The following A1CF variants were observed in gnomAD, a reference collection of about 807,000 sequenced individuals.
The protein encoded by A1CF is APOBEC1 complementation factor.
In A1CF, 48 loss-of-function variants were observed where a neutral mutation model predicts 68.9. The ratio of observed to expected loss-of-function variants is 0.70; its 90% CI spans 0.55 to 0.89. A1CF has a LOEUF of 0.89. Among genes scored for constraint, A1CF ranks in the 40% least tolerant of loss-of-function variants. A1CF has a pLI of 0.00. For missense variants in A1CF, 653 were observed against 718.9 expected, an observed-to-expected ratio of 0.91 and a Z score of 1.05; for synonymous variants, 272 against 260.4, an observed-to-expected ratio of 1.04 and a Z score of -0.43.
chr10:50,830,875 T>C (rs1453237266), intron 6 of A1CF, among the ~76,000 whole-genome samples: 1 of 152,172 alleles, frequency 6.6e-6, no homozygotes, highest in Non-Finnish European at 1.5e-5. Flanking sequence ...TGCAAAGCTA[T>C]AGTAATCAAA....
chr10:50,878,053 C>T (rs529564469), intron 1 of A1CF, among the ~76,000 whole-genome samples: 2 of 152,028 alleles, frequency 1.3e-5, no homozygotes, highest in Non-Finnish European at 2.9e-5. Context: ...ACCCGGGAAG[C>T]GGAGGTTGCA....
At chr10:50,819,426 T>G (rs1838532497) in intron 8 of A1CF, among the ~76,000 whole-genome samples, 1 of 151,988 alleles carries the variant, frequency 6.6e-6, no homozygotes. Context: ...CCCAGCAACT[T>G]CTTGCAAAGA....
At chr10:50,807,959 A>T (rs1264758865) in intron 12 of A1CF, among the ~76,000 whole-genome samples, 1 of 152,154 alleles carries the variant, frequency 6.6e-6, no homozygotes, top group Non-Finnish European at 1.5e-5. Flanking sequence ...TGGTGCATTC[A>T]TTTTGGTCAG....
At position 50,844,014 on chromosome 10, in the gene A1CF, C is replaced by T. The variant is rs763063211; in HGVS notation, c.208G>A (p.Asp70Asn). 52 of 1,613,506 alleles carry T rather than the reference C, an allele frequency of 3.2e-5. No homozygotes were observed. The highest frequency in any genetic ancestry group is 4.3e-5 in the Non-Finnish European group (51 of 1,179,784). Residue 70 changes from aspartate (D) to asparagine (N), a missense_variant, in exon 4 of 13, where the codon GAT becomes AAT. Coordinates refer to ENST00000373997, the MANE Select transcript of A1CF (RefSeq NM_014576.4). ...IGKLPRDLFE[D>N]ELIPLCEKIG... ...TTTTCACATAATGGTATAAGCTCAT[C>T]CTCAAAAAGGTCTCGGGGAAGTTTT...
chr10:50,864,612 C>G (rs1383962235), intron 1 of A1CF, among the ~76,000 whole-genome samples: 3 of 151,874 alleles, frequency 2.0e-5, no homozygotes, highest in Non-Finnish European at 1.5e-5. Context: ...AAAAATGGTC[C>G]CCTCTTTTCT....
At chr10:50,853,616 G>T (rs1323017919) in intron 3 of A1CF, among the ~76,000 whole-genome samples, 1 of 152,102 alleles carries the variant, frequency 6.6e-6, no homozygotes, top group Non-Finnish European at 1.5e-5. Context: ...GAGGTGGTGT[G>T]AATGGGCAGC....
At chr10:50,819,400 G>A (rs1042565550) in intron 8 of A1CF, among the ~76,000 whole-genome samples, 5 of 152,106 alleles carry the variant, frequency 3.3e-5, no homozygotes, top group East Asian at 1.9e-4. Context: ...TGAGATTACA[G>A]GTGCGAGCCA....
intron 3 of A1CF, among the ~76,000 whole-genome samples, chr10:50,856,815 T>C (rs1404432955): frequency 2.0e-5 from 3 of 152,116 alleles, no homozygotes; most frequent in East Asian, 3.8e-4. Flanking sequence ...TCTAGGTCCT[T>C]ATTATAAGCA....
chr10:50,833,358 T>G (rs1163099499), intron 6 of A1CF, among the ~76,000 whole-genome samples: 1 of 152,226 alleles, frequency 6.6e-6, no homozygotes, highest in Non-Finnish European at 1.5e-5. Context: ...CTCCAGGTGA[T>G]GCTGATGCAG....
intron 7 of A1CF, among the ~76,000 whole-genome samples, chr10:50,821,788 C>T (rs929071972): frequency 6.6e-6 from 1 of 152,080 alleles, no homozygotes; most frequent in South Asian, 2.1e-4. Flanking sequence ...CTGCCTACCT[C>T]GGCCTGCCAA....
intron 3 of A1CF, among the ~76,000 whole-genome samples, chr10:50,852,094 T>C (rs2132495033): frequency 6.6e-6 from 1 of 152,362 alleles, no homozygotes; most frequent in Admixed American, 6.5e-5. Context: ...GACCTGCTCA[T>C]GCTTCTGCAT....
chr10:50,851,479 A>G (rs1240172391), intron 3 of A1CF, among the ~76,000 whole-genome samples: 1 of 152,214 alleles, frequency 6.6e-6, no homozygotes, highest in Non-Finnish European at 1.5e-5. Flanking sequence ...TGTTACTTAA[A>G]TAAGCTTATA....
In A1CF at chr10:50,805,106, A is replaced by G. The variant is rs1028854466; in HGVS notation, c.*1623T>C. 2 of 152,226 alleles carry G rather than the reference A, an allele frequency of 1.3e-5. No homozygotes were observed. The highest frequency in any genetic ancestry group is 4.8e-5 in the African/African-American group (2 of 41,458). The allele number at this position is 152,226 out of a possible 1,614,324, so 9.4% of individuals were successfully genotyped here. A position where few individuals can be genotyped will look rare whatever the true frequency, so the allele number is the denominator to read the frequency against. On this transcript the variant is annotated 3_prime_UTR_variant, in exon 13 of 13. Coordinates refer to ENST00000373997, the MANE Select transcript of A1CF (RefSeq NM_014576.4). ...GGAGTTAGGACAACTGAAATGTTAC[A>G]AGTACTTCTGATTGTGATTAAAATT... is the stretch of plus-strand genomic sequence containing the variant.
intron 3 of A1CF, among the ~76,000 whole-genome samples, chr10:50,855,781 C>T (rs1840451087): frequency 6.6e-6 from 1 of 151,942 alleles, no homozygotes; most frequent in African/African-American, 2.4e-5. Flanking sequence ...CATTCAATAT[C>T]AGAGACTGCA....
In A1CF at chr10:50,799,899, A is replaced by G. The variant is rs1263408463; in HGVS notation, c.*6830T>C. 4.6e-5 allele frequency: 7 copies of G among 152,142 alleles called. No individual in the cohort carries two copies. The highest frequency in any genetic ancestry group is 1.0e-4 in the Non-Finnish European group (7 of 67,996). 9.4% of individuals were successfully genotyped at this position (152,142 alleles called of 1,614,324 possible). On this transcript the variant is annotated 3_prime_UTR_variant, in exon 13 of 13. Coordinates refer to ENST00000373997, the MANE Select transcript of A1CF (RefSeq NM_014576.4). ...AATTCTCTGAAGGAATAAGAATAAA[A>G]ATTCCAATGGTTACATTAAATATTT...
At chr10:50,876,875 T>G (rs1841538069) in intron 1 of A1CF, among the ~76,000 whole-genome samples, 2 of 152,244 alleles carry the variant, frequency 1.3e-5, no homozygotes, top group African/African-American at 4.8e-5. Context: ...TTTATGCATT[T>G]ATAAATGTAT....
chr10:50,835,491 G>A (rs1453429431), intron 6 of A1CF, among the ~76,000 whole-genome samples: 1 of 152,130 alleles, frequency 6.6e-6, no homozygotes, highest in Non-Finnish European at 1.5e-5. Context: ...TGATCTGACC[G>A]AGGCAGTGTT....
chr10:50,848,113 T>C (rs1388294360), intron 3 of A1CF, among the ~76,000 whole-genome samples: 1 of 152,166 alleles, frequency 6.6e-6, no homozygotes, highest in Non-Finnish European at 1.5e-5. Flanking sequence ...ATGAGGATGC[T>C]ACTACTATTA....
chr10:50,814,388 A>G (rs1838269953), intron 9 of A1CF, among the ~76,000 whole-genome samples: 1 of 152,190 alleles, frequency 6.6e-6, no homozygotes, highest in African/African-American at 2.4e-5. Context: ...CAGACTAATA[A>G]AGACTGGGAA....
Sources: gnomAD v4.1 joint callset for allele counts (sites outside exome capture counted in the v4.1 genomes callset) on GRCh38, gnomAD v4.1.1 for gene constraint, MANE v1.5 for transcripts, NCBI Gene and HGNC (gene_info 2026-07-23, HGNC 2026-07-21) for gene names.